MRPL14: variants seen among roughly 807,000 people sequenced by gnomAD.
MRPL14 encodes the protein large ribosomal subunit protein uL14m.
MRPL14 carries 8 observed loss-of-function variants against 10.9 expected under a neutral mutation model. The observed-to-expected ratio is 0.74, with a 90% CI of 0.43 to 1.33. The LOEUF is 1.33. Ranked by LOEUF, MRPL14 falls within the 40% of genes most tolerant of loss-of-function variation. The pLI is 0.01. For missense variants in MRPL14, 179 were observed against 194.5 expected, an observed-to-expected ratio of 0.92 and a Z score of 0.47; for synonymous variants, 82 against 74.1, an observed-to-expected ratio of 1.11 and a Z score of -0.54.
chr6:44,118,611 A>G (rs1776095468), intron 1 of MRPL14, among the ~76,000 whole-genome samples: 1 of 152,160 alleles, frequency 6.6e-6, no homozygotes, highest in Non-Finnish European at 1.5e-5. Context: ...ATTTATGAAC[A>G]CTTATCAAAT....
In MRPL14 at chr6:44,113,582, G is replaced by A. The variant is rs1170217456; in HGVS notation, c.*261C>T. On this transcript the variant is annotated 3_prime_UTR_variant, in exon 3 of 3. Transcript: ENST00000372014. ...CAAGGGCTCAGACCCTGGCACCAAG[G>A]CTGCTCCATGTAAAGAATGCTACCC... 1.2e-5 allele frequency: 4 copies of A among 346,138 alleles called. No individual in the cohort carries two copies. The Admixed American group carries it at 1.7e-4, about 15-fold the overall frequency. The allele number at this position is 346,138 out of a possible 1,614,324, so 21.4% of individuals were successfully genotyped here.
At chr6:44,126,273 C>T (rs967916819) in intron 1 of MRPL14, among the ~76,000 whole-genome samples, 3 of 152,346 alleles carry the variant, frequency 2.0e-5, no homozygotes, top group African/African-American at 7.2e-5. Context: ...AAACAATACC[C>T]TAAGTGCAAC....
At chr6:44,116,708 G>A (rs1775886181) in intron 1 of MRPL14, 79 bp from the exon 2 acceptor site, 1 of 885,090 alleles carries the variant, frequency 1.1e-6, no homozygotes, top group Non-Finnish European at 1.9e-6. Context: ...GGACTTGTGT[G>A]GGAGATGGCA....
intron 1 of MRPL14, 136 bp from the exon 2 acceptor site, chr6:44,116,765 A>G: frequency 1.6e-6 from 1 of 644,056 alleles, no homozygotes. Context: ...CTTAGTGGTT[A>G]AAGGATACAC....
At chr6:44,118,234 C>T (rs1776057114) in intron 1 of MRPL14, among the ~76,000 whole-genome samples, 1 of 151,892 alleles carries the variant, frequency 6.6e-6, no homozygotes, top group South Asian at 2.1e-4. Flanking sequence ...AACTGTTGAG[C>T]TTTGGTTTAC....
Position 44,114,205 on chromosome 6 carries a change from T to G in MRPL14, c.76A>C (p.Thr26Pro). 2 of 1,602,872 alleles carry G rather than the reference T, an allele frequency of 1.2e-6. No homozygotes were observed. The highest frequency in any genetic ancestry group is 1.7e-6 in the Non-Finnish European group (2 of 1,172,518). The change falls in exon 3 of 3, where the codon ACT (threonine) becomes CCT (proline). Residue 26 changes from threonine (T) to proline (P), a missense_variant. By Grantham distance (38) the Thr-to-Pro change is conservative. Coordinates refer to ENST00000372014, the MANE Select transcript of MRPL14 (RefSeq NM_032111.4). Reference protein sequence around the residue: ...RVLSHHCFSTTGSLSAIQKMT... With the variant: ...RVLSHHCFSTPGSLSAIQKMT... Reference sequence around the variant, plus strand: ...TTCTGAATCGCACTCAGACTCCCAGTGGTGCTGGTGGGAGGAAAAAAAAAA... The same window carrying G: ...TTCTGAATCGCACTCAGACTCCCAGGGGTGCTGGTGGGAGGAAAAAAAAAA...
chr6:44,126,768 G>C (rs985036678), intron 1 of MRPL14: 1 of 152,204 alleles, frequency 6.6e-6, no homozygotes, highest in Non-Finnish European at 1.5e-5. Flanking sequence ...TATATAGAAA[G>C]AGTCTCAGTC....
intron 1 of MRPL14, among the ~76,000 whole-genome samples, chr6:44,123,759 A>G (rs1489781794): frequency 1.3e-5 from 2 of 152,100 alleles, no homozygotes; most frequent in African/African-American, 4.8e-5. Context: ...TAATTACACC[A>G]CTTTGGGAGG....
At chr6:44,122,854 A>G (rs1449971022) in intron 1 of MRPL14, among the ~76,000 whole-genome samples, 1 of 152,158 alleles carries the variant, frequency 6.6e-6, no homozygotes, top group Non-Finnish European at 1.5e-5. Context: ...ACAAAAAGGA[A>G]TTCTTGGGAC....
chr6:44,122,460 T>C (rs925724989), intron 1 of MRPL14, among the ~76,000 whole-genome samples: 27 of 152,192 alleles, frequency 1.8e-4, no homozygotes, highest in African/African-American at 5.3e-4. Context: ...TGTGGAAAGC[T>C]GGAAAGTACC....
At chr6:44,125,537 T>G (rs922463915) in intron 1 of MRPL14, among the ~76,000 whole-genome samples, 2 of 151,036 alleles carry the variant, frequency 1.3e-5, no homozygotes, top group African/African-American at 4.9e-5. Context: ...GCGCCTGCAG[T>G]CCCAGCTACT....
intron 1 of MRPL14, among the ~76,000 whole-genome samples, chr6:44,118,189 C>G (rs1019290678): frequency 3.9e-5 from 6 of 152,138 alleles, no homozygotes; most frequent in African/African-American, 1.2e-4. Context: ...ACTAGCTTTA[C>G]TTTTACTGGT....
chr6:44,126,144 G>A (rs1351683420), intron 1 of MRPL14, among the ~76,000 whole-genome samples: 2 of 152,154 alleles, frequency 1.3e-5, no homozygotes, highest in Non-Finnish European at 2.9e-5. Flanking sequence ...AGGCAAGAGG[G>A]CAAATAGAAG....
chr6:44,123,613 T>C (rs985548398), intron 1 of MRPL14, among the ~76,000 whole-genome samples: 2 of 152,194 alleles, frequency 1.3e-5, no homozygotes, highest in African/African-American at 2.4e-5. Flanking sequence ...CAGCTACCAC[T>C]TAGAAAACCC....
chr6:44,115,100 G>C (rs1418917397), intron 2 of MRPL14, among the ~76,000 whole-genome samples: 4 of 152,176 alleles, frequency 2.6e-5, no homozygotes, highest in African/African-American at 9.7e-5. Context: ...GTATTATTAA[G>C]CAAGCTGATT....
chr6:44,115,385 C>T (rs1469614630), intron 2 of MRPL14, among the ~76,000 whole-genome samples: 3 of 152,156 alleles, frequency 2.0e-5, no homozygotes, highest in Non-Finnish European at 4.4e-5. Flanking sequence ...TGCAAACCTC[C>T]GCCTGCTGCT....
intron 1 of MRPL14, among the ~76,000 whole-genome samples, chr6:44,119,323 G>C (rs1042436248): frequency 6.6e-6 from 1 of 152,158 alleles, no homozygotes; most frequent in Non-Finnish European, 1.5e-5. Flanking sequence ...AAGGTCAGGA[G>C]TTTGAGACCA....
At chr6:44,116,785 G>A (rs1438648228) in intron 1 of MRPL14, among the ~76,000 whole-genome samples, 156 bp from the exon 2 acceptor site, 1 of 152,216 alleles carries the variant, frequency 6.6e-6, no homozygotes, top group Admixed American at 6.5e-5. Flanking sequence ...CAGATGATTA[G>A]ACAGAGCTGT....
rs755483026 is a variant in MRPL14 at position 44,119,656 on chromosome 6, G to A, written c.-18-3027C>T. Among the ~76,000 whole-genome samples the A allele has an allele frequency of 2.2e-4, 34 of 152,296 alleles. 1 individual carries two copies. Among genetic ancestry groups the A allele is most frequent in the African/African-American group, 6.7e-4 (28 of 41,556 alleles). On this transcript the variant is annotated intron_variant, in intron 1 of 2. Transcript: ENST00000372014. ...TCACTTTAAGTTTTGAAGACAATTT[G>A]TAGTGTAGGAGGCAAGAAGAGATCA...
Sources: gnomAD v4.1 joint callset for allele counts (sites outside exome capture counted in the v4.1 genomes callset) on GRCh38, gnomAD v4.1.1 for gene constraint, MANE v1.5 for transcripts, NCBI Gene and HGNC (gene_info 2026-07-23, HGNC 2026-07-21) for gene names.